The following SYN3 variants were observed in gnomAD, a reference collection of about 807,000 sequenced individuals.
SYN3 encodes the protein synapsin III, also known as synapsin-3.
In SYN3, 35 loss-of-function variants were observed where a neutral mutation model predicts 65.8. That is an observed-to-expected ratio of 0.53 (90% CI 0.41 to 0.70). The LOEUF (loss-of-function observed/expected upper bound fraction) is 0.70. Ranked by LOEUF, SYN3 falls within the 30% of genes least tolerant of loss-of-function variation. The probability of loss-of-function intolerance (pLI) is 0.00; values close to 1 mark genes in which losing one functional copy is unlikely to be tolerated. For missense variants in SYN3, 680 were observed against 749.0 expected (o/e 0.91, Z 1.08); for synonymous variants, 270 against 292.9 (o/e 0.92, Z 0.80).
intron 1 of SYN3, among the ~76,000 whole-genome samples, chr22:33,014,096 TA>T (rs2053413410): frequency 6.9e-6 from 1 of 144,372 alleles, no homozygotes; most frequent in African/African-American, 2.6e-5. Context: ...AAAAAAAAAT[TA>T]GGGGGCGGGG....
intron 1 of SYN3, among the ~76,000 whole-genome samples, chr22:33,039,154 T>C (rs2053915032): frequency 6.6e-6 from 1 of 152,112 alleles, no homozygotes; most frequent in South Asian, 2.1e-4. Context: ...TCACCAATCC[T>C]ATCGTATAGA....
At chr22:32,750,324 T>C (rs2045077046) in intron 6 of SYN3, among the ~76,000 whole-genome samples, 1 of 152,184 alleles carries the variant, frequency 6.6e-6, no homozygotes, top group African/African-American at 2.4e-5. Flanking sequence ...GACGGAATCA[T>C]ATGAACATCT....
chr22:32,651,121 G>C lies in SYN3; in HGVS notation c.712-54385C>G, dbSNP rs527854423. ...GAGATGGAAGAGCACAGAAGGCCAA[G>C]AAGACAGACAAGGGCTCTGTATTGT... On this transcript the variant is annotated intron_variant, in intron 6 of 13. Transcript: ENST00000358763. Among the ~76,000 whole-genome samples the C allele has an allele frequency of 2.3e-3, 355 of 152,320 alleles. 2 individuals are homozygous for C. The highest frequency in any genetic ancestry group is 7.6e-3 in the African/African-American group (315 of 41,564).
chr22:32,604,727 T>G (rs913193673), intron 6 of SYN3, among the ~76,000 whole-genome samples: 3 of 152,176 alleles, frequency 2.0e-5, no homozygotes, highest in African/African-American at 4.8e-5. Context: ...CATTCATGAC[T>G]GGGCGCGGTG....
chr22:32,573,495 T>A (rs543650688), intron 7 of SYN3, among the ~76,000 whole-genome samples: 1 of 152,168 alleles, frequency 6.6e-6, no homozygotes, highest in Non-Finnish European at 1.5e-5. Context: ...AGGACTGAGT[T>A]CATCAAAAGG....
chr22:32,786,166 G>A (rs2046189864), intron 6 of SYN3, among the ~76,000 whole-genome samples: 1 of 152,130 alleles, frequency 6.6e-6, no homozygotes, highest in South Asian at 2.1e-4. Flanking sequence ...GGTGGGTGCT[G>A]TTAGTGCCCT....
chr22:32,621,385 A>G (rs2059591811), intron 6 of SYN3, among the ~76,000 whole-genome samples: 1 of 151,606 alleles, frequency 6.6e-6, no homozygotes, highest in African/African-American at 2.4e-5. Flanking sequence ...ATGAACCAGG[A>G]ACGTATGCTC....
chr22:32,989,945 C>T (rs9609678), intron 2 of SYN3, among the ~76,000 whole-genome samples: 14,684 of 152,026 alleles, frequency 0.097, 1,137 homozygotes, highest in East Asian at 0.37. Flanking sequence ...CAAGTTCACA[C>T]TCTTCATACC....
intron 2 of SYN3, among the ~76,000 whole-genome samples, chr22:32,983,874 T>A (rs1237528228): frequency 6.6e-6 from 1 of 152,116 alleles, no homozygotes; most frequent in Non-Finnish European, 1.5e-5. Context: ...AAAAGACATC[T>A]GTCCACTGGG....
rs904287329 is a variant in SYN3, at chr22:32,837,583, T to C, written c.711+27332A>G. 1.1e-4 allele frequency among the ~76,000 whole-genome samples: 17 copies of C among 152,024 alleles called. No individual in the cohort carries two copies. The highest frequency in any genetic ancestry group is 4.1e-4 in the African/African-American group (17 of 41,396). ...CTAACGTTGAAGATTAGAAATGGGATGTGCACTGGAATGAGATCATTTGTG... is the reference window on the plus strand; with the variant it reads ...CTAACGTTGAAGATTAGAAATGGGACGTGCACTGGAATGAGATCATTTGTG... On this transcript the variant is annotated intron_variant, in intron 6 of 13. Coordinates refer to ENST00000358763, the MANE Select transcript of SYN3 (RefSeq NM_003490.4). The surrounding 1 kb of genome is among the most constrained non-coding windows in gnomAD (Gnocchi z 4.1).
intron 3 of SYN3, among the ~76,000 whole-genome samples, chr22:32,955,965 T>C (rs2051440876): frequency 6.6e-6 from 1 of 151,514 alleles, no homozygotes; most frequent in Non-Finnish European, 1.5e-5. Flanking sequence ...CAGACTGGCT[T>C]ACTTGCTCTT....
intron 6 of SYN3, among the ~76,000 whole-genome samples, chr22:32,817,077 G>T (rs967258707): frequency 8.0e-6 from 1 of 125,182 alleles, no homozygotes; most frequent in Non-Finnish European, 1.7e-5. Flanking sequence ...AAAAAAAAAA[G>T]AAAAGGTGGT....
At chr22:32,946,686 A>G (rs189635406) in intron 3 of SYN3, among the ~76,000 whole-genome samples, 56 of 152,362 alleles carry the variant, frequency 3.7e-4, no homozygotes, top group Non-Finnish European at 5.6e-4. Flanking sequence ...AACTTAAAGT[A>G]TAATAAAAAA....
At position 32,549,179 on chromosome 22, in the gene SYN3, G is replaced by A. The variant is rs1039214332; in HGVS notation, c.775-7466C>T. On this transcript the variant is annotated intron_variant, in intron 7 of 13. Coordinates refer to ENST00000358763, the MANE Select transcript of SYN3 (RefSeq NM_003490.4). ...ACAATCGAATGCTTTGCAGTCAAGA[G>A]AAGGCAATGAGGAGGATCTACATAC... 2.0e-5 allele frequency among the ~76,000 whole-genome samples: 3 copies of A among 152,206 alleles called. No individual in the cohort carries two copies. In the East Asian group the frequency reaches 5.8e-4, roughly 29 times the overall value.
chr22:33,036,729 T>C (rs1356485178), intron 1 of SYN3, among the ~76,000 whole-genome samples: 1 of 141,242 alleles, frequency 7.1e-6, no homozygotes, highest in Non-Finnish European at 1.5e-5. Flanking sequence ...TGCGCTCTTG[T>C]TGCCCAGGCT....
At chr22:32,980,893 T>C (rs1350354358) in intron 2 of SYN3, among the ~76,000 whole-genome samples, 191 bp from the exon 3 acceptor site, 1 of 151,922 alleles carries the variant, frequency 6.6e-6, no homozygotes, top group Non-Finnish European at 1.5e-5. Context: ...TCACTCTTGT[T>C]GCCTAGGCTA....
chr22:32,551,914 T>C (rs1355771606), intron 7 of SYN3, among the ~76,000 whole-genome samples: 5 of 152,342 alleles, frequency 3.3e-5, no homozygotes, highest in Admixed American at 6.5e-5. Context: ...GAAAATGTGC[T>C]ACAATTATAC....
intron 6 of SYN3, among the ~76,000 whole-genome samples, chr22:32,791,732 G>A (rs1020779317): frequency 2.6e-5 from 4 of 151,768 alleles, no homozygotes; most frequent in Non-Finnish European, 5.9e-5. Flanking sequence ...TTTTCACTGC[G>A]GATGTGAAAA....
intron 6 of SYN3, among the ~76,000 whole-genome samples, chr22:32,854,790 G>T (rs921564061): frequency 1.3e-5 from 2 of 152,186 alleles, no homozygotes; most frequent in African/African-American, 4.8e-5. Context: ...CAGTTGGCAA[G>T]CCTTGGGGGA....
Sources: gnomAD v4.1 joint callset for allele counts (sites outside exome capture counted in the v4.1 genomes callset) on GRCh38, gnomAD v4.1.1 for gene constraint, Gnocchi (gnomAD v3.1) non-coding constraint, MANE v1.5 for transcripts, NCBI Gene and HGNC (gene_info 2026-07-23, HGNC 2026-07-21) for gene names.